ADGB: variants seen among roughly 807,000 people sequenced by gnomAD.
ADGB encodes the protein calpain-7-like protein.
ADGB carries 172 observed loss-of-function variants against 210.5 expected under a neutral mutation model. The ratio of observed to expected loss-of-function variants is 0.82; its 90% CI spans 0.72 to 0.93. The LOEUF is 0.93. Among genes scored for constraint, ADGB ranks in the 40% least tolerant of loss-of-function variants. The pLI is 0.00. For synonymous variants in ADGB, 658 were observed against 662.7 expected (o/e 0.99, Z 0.11); for missense variants, 2,025 against 1,964.8 (o/e 1.03, Z -0.58).
intron 13 of ADGB, among the ~76,000 whole-genome samples, chr6:146,706,322 C>G (rs951449874): frequency 2.0e-5 from 3 of 151,068 alleles, no homozygotes; most frequent in African/African-American, 7.3e-5. Context: ...TGCAGTGGCA[C>G]AATCTCGGGT....
At chr6:146,791,872 C>T (rs1041561065) in intron 33 of ADGB, among the ~76,000 whole-genome samples, 12 of 151,880 alleles carry the variant, frequency 7.9e-5, no homozygotes, top group African/African-American at 2.7e-4. Flanking sequence ...AGTTCTCCAC[C>T]TCAGCTTCCT....
At chr6:146,802,602 T>C in intron 35 of ADGB, 2 of 558,466 alleles carry the variant, frequency 3.6e-6, no homozygotes, top group Non-Finnish European at 6.3e-6. Flanking sequence ...GCTGCTCCTT[T>C]CGGATATTTT....
chr6:146,677,454 T>C (rs2114908312), intron 9 of ADGB, among the ~76,000 whole-genome samples: 1 of 152,338 alleles, frequency 6.6e-6, no homozygotes, highest in South Asian at 2.1e-4. Flanking sequence ...TATGGCTTTT[T>C]ATTTTTACTG....
At chr6:146,727,744 G>T (rs1776918639) in intron 19 of ADGB, among the ~76,000 whole-genome samples, 1 of 152,114 alleles carries the variant, frequency 6.6e-6, no homozygotes, top group South Asian at 2.1e-4. Context: ...GAACTTTTCT[G>T]GGCATGGTTT....
At chr6:146,653,549 C>T (rs1008608187) in intron 3 of ADGB, among the ~76,000 whole-genome samples, 1 of 151,954 alleles carries the variant, frequency 6.6e-6, no homozygotes. Flanking sequence ...GAGAATACAT[C>T]GACACATAGA....
chr6:146,680,756 A>G (rs1334218408), intron 9 of ADGB, among the ~76,000 whole-genome samples: 1 of 152,186 alleles, frequency 6.6e-6, no homozygotes, highest in East Asian at 1.9e-4. Context: ...AAATGAGTTC[A>G]GGGAAGAATT....
intron 27 of ADGB, among the ~76,000 whole-genome samples, chr6:146,755,445 G>T (rs934716798): frequency 6.6e-6 from 1 of 151,978 alleles, no homozygotes; most frequent in Admixed American, 6.6e-5. Flanking sequence ...GTGAGTTCTC[G>T]CAAAATCTGA....
chr6:146,727,121 G>A (rs1482628661), intron 19 of ADGB, among the ~76,000 whole-genome samples: 1 of 150,952 alleles, frequency 6.6e-6, no homozygotes, highest in Non-Finnish European at 1.5e-5. Flanking sequence ...AATATTTGCA[G>A]ACAGCCTTCC....
In ADGB at chr6:146,629,138, T is replaced by G. The variant is rs1457355827; in HGVS notation, c.75-6237T>G. ...CAGTGAGTTTAAATATTGAAATATT[T>G]AAATATTGAAAAATCATCTTATTCT... On this transcript the variant is annotated intron_variant, in intron 1 of 35. Transcript: ENST00000397944. Among the ~76,000 whole-genome samples the G allele has an allele frequency of 3.9e-5, 6 of 152,310 alleles. No homozygotes were observed. In the South Asian group the frequency reaches 1.0e-3, roughly 26 times the overall value.
chr6:146,615,880 G>A (rs1383203542), intron 1 of ADGB, among the ~76,000 whole-genome samples: 8 of 152,138 alleles, frequency 5.3e-5, no homozygotes, highest in South Asian at 2.1e-4. Context: ...ATATGGAAGT[G>A]CATATATCTT....
intron 3 of ADGB, among the ~76,000 whole-genome samples, chr6:146,645,170 CACTT>C (rs1294465050): frequency 6.6e-6 from 1 of 152,004 alleles, no homozygotes; most frequent in Non-Finnish European, 1.5e-5. Flanking sequence ...CTGATTGACA[CACTT>C]CTTTCTGCTT....
intron 20 of ADGB, among the ~76,000 whole-genome samples, chr6:146,730,887 T>G (rs1379948820): frequency 2.0e-5 from 3 of 151,998 alleles, no homozygotes; most frequent in African/African-American, 7.3e-5. Context: ...TGCAGTAAGC[T>G]GAGATCACGC....
chr6:146,801,147 C>T, intron 33 of ADGB, 36 bp from the exon 34 acceptor site: 1 of 1,203,494 alleles, frequency 8.3e-7, no homozygotes, highest in Non-Finnish European at 1.1e-6. Context: ...TTTTTTAAAG[C>T]CTAGGTTTTT....
In ADGB at chr6:146,665,809, T is replaced by A. The variant is rs187389527; in HGVS notation, c.753-1007T>A. ...TTTTTCAGATTTTTACAGTACATAGTGATTGCTTTTATATGAGGATTAGCT... is the reference window on the plus strand; with the variant it reads ...TTTTTCAGATTTTTACAGTACATAGAGATTGCTTTTATATGAGGATTAGCT... On this transcript the variant is annotated intron_variant, in intron 6 of 35. Transcript: ENST00000397944. Among the ~76,000 whole-genome samples, 3 of 152,202 alleles carry A rather than the reference T, an allele frequency of 2.0e-5. No individual in the cohort carries two copies. The East Asian group carries it at 5.8e-4, about 29-fold the overall frequency.
rs777109276 is a variant in ADGB at position 146,801,958 on chromosome 6, G to C, written c.4765G>C (p.Glu1589Gln). ...CCTTAGCATTCGAAACATTGACCAA[G>C]AAGAGCGGTTGAAGTTAAAGGATGA... ...RVLSIRNIDQ[E>Q]ERLKLKDEVL... The change falls in exon 35 of 36, where the codon GAA becomes CAA. Residue 1589 changes from glutamate (E) to glutamine (Q), a missense_variant. Transcript: ENST00000397944. 1 of 1,550,418 alleles carries C rather than the reference G, an allele frequency of 6.4e-7. No individual in the cohort carries two copies. Among genetic ancestry groups the C allele is most frequent in the South Asian group, 1.2e-5 (1 of 83,750 alleles).
chr6:146,771,391 A>G (rs2114633562), intron 29 of ADGB, among the ~76,000 whole-genome samples: 1 of 152,174 alleles, frequency 6.6e-6, no homozygotes. Flanking sequence ...AAAAAAAAAA[A>G]TCAGTTGTTT....
At chr6:146,661,727 T>C (rs2114890954) in intron 5 of ADGB, among the ~76,000 whole-genome samples, 1 of 152,260 alleles carries the variant, frequency 6.6e-6, no homozygotes, top group Non-Finnish European at 1.5e-5. Context: ...CCATTTTTCC[T>C]TTTATTCTCC....
At chr6:146,747,311 CA>C (rs1398046174) in intron 26 of ADGB, among the ~76,000 whole-genome samples, 2 of 152,074 alleles carry the variant, frequency 1.3e-5, no homozygotes, top group Non-Finnish European at 2.9e-5. Context: ...CTAAAAATAG[CA>C]ATTGTGATAA....
intron 29 of ADGB, among the ~76,000 whole-genome samples, chr6:146,771,554 C>G (rs6908733): frequency 6.6e-6 from 1 of 152,152 alleles, no homozygotes; most frequent in Non-Finnish European, 1.5e-5. Context: ...ACCGTGCCCC[C>G]GCCCCTGGCC....
Sources: allele counts gnomAD v4.1 joint callset (sites outside exome capture counted in the v4.1 genomes callset), GRCh38; gene constraint gnomAD v4.1.1; transcripts MANE v1.5; gene names NCBI Gene and HGNC (gene_info 2026-07-23, HGNC 2026-07-21).